The following IMMP2L variants were observed in gnomAD, a reference collection of about 807,000 sequenced individuals.
IMMP2L encodes inner mitochondrial membrane peptidase subunit 2.
Under a neutral mutation model 19.3 loss-of-function variants are expected in IMMP2L, and 18 were observed. The observed-to-expected ratio is 0.93, with a 90% CI of 0.64 to 1.38. The LOEUF is 1.38. IMMP2L is among the 40% of genes most tolerant of loss of function. The probability of loss-of-function intolerance (pLI) is 0.00; values close to 1 mark genes in which losing one functional copy is unlikely to be tolerated. For synonymous variants in IMMP2L, 76 were observed against 73.0 expected (o/e 1.04, Z -0.21); for missense variants, 233 against 218.2 (o/e 1.07, Z -0.43).
At chr7:110,805,220 T>C (rs1275993127) in intron 5 of IMMP2L, among the ~76,000 whole-genome samples, 1 of 152,124 alleles carries the variant, frequency 6.6e-6, no homozygotes, top group African/African-American at 2.4e-5. Flanking sequence ...TAAATTAACA[T>C]TTAATAGAAA....
At chr7:110,989,480 A>G (rs1822220089) in intron 3 of IMMP2L, among the ~76,000 whole-genome samples, 1 of 150,586 alleles carries the variant, frequency 6.6e-6, no homozygotes, top group Non-Finnish European at 1.5e-5. Flanking sequence ...CTAGGAGGTC[A>G]AGGATGTAGT....
intron 5 of IMMP2L, among the ~76,000 whole-genome samples, chr7:110,843,379 T>TG (rs1805303311): frequency 6.6e-6 from 1 of 152,122 alleles, no homozygotes. Context: ...TTGATGGTGA[T>TG]GACAGTATGG....
At chr7:110,959,729 G>C (rs1440379933) in intron 4 of IMMP2L, among the ~76,000 whole-genome samples, 2 of 151,808 alleles carry the variant, frequency 1.3e-5, no homozygotes, top group Admixed American at 6.6e-5. Context: ...TGTACCAAAG[G>C]GGGACAGATA....
chr7:111,365,900 C>T (rs543363489), intron 3 of IMMP2L, among the ~76,000 whole-genome samples: 75 of 152,106 alleles, frequency 4.9e-4, no homozygotes, highest in African/African-American at 1.7e-3. Context: ...GAATTATAAA[C>T]CACCAGTAAA....
intron 4 of IMMP2L, among the ~76,000 whole-genome samples, chr7:110,932,768 A>G (rs959199635): frequency 3.9e-5 from 6 of 152,194 alleles, no homozygotes; most frequent in African/African-American, 1.4e-4. Flanking sequence ...ACACTGTTTT[A>G]ATACTGAGGT....
chr7:110,966,017 A>T (rs1392731018), intron 3 of IMMP2L, among the ~76,000 whole-genome samples: 2 of 152,042 alleles, frequency 1.3e-5, no homozygotes, highest in Non-Finnish European at 2.9e-5. Context: ...GTCTATTTTA[A>T]AAAAGAAAAA....
intron 4 of IMMP2L, among the ~76,000 whole-genome samples, chr7:110,934,205 T>G (rs1445016904): frequency 6.6e-6 from 1 of 152,152 alleles, no homozygotes; most frequent in Admixed American, 6.6e-5. Context: ...TCTGAGAGAC[T>G]GCTTGTTATG....
intron 3 of IMMP2L, among the ~76,000 whole-genome samples, chr7:111,101,324 C>T (rs1304507863): frequency 2.0e-5 from 3 of 151,222 alleles, no homozygotes; most frequent in East Asian, 1.9e-4. Flanking sequence ...TACTGATAAG[C>T]GATAATGTCT....
At position 110,875,968 on chromosome 7, in the gene IMMP2L, A is replaced by C. The variant is rs568958647; in HGVS notation, c.408+10625T>G. Among the ~76,000 whole-genome samples, 3 of 152,256 alleles carry C rather than the reference A, an allele frequency of 2.0e-5. No individual in the cohort carries two copies. In the East Asian group the frequency reaches 5.8e-4, roughly 29 times the overall value. ...ATACTTATTTTAATACAGTAACTTC[A>C]TTTAAAGGGGAGATGAATGTAACTT... On this transcript the variant is annotated intron_variant, in intron 5 of 5. Transcript: ENST00000405709.
intron 4 of IMMP2L, among the ~76,000 whole-genome samples, chr7:110,955,817 T>C (rs1045655092): frequency 6.6e-6 from 1 of 151,784 alleles, no homozygotes; most frequent in Non-Finnish European, 1.5e-5. Flanking sequence ...ACAGAAACCA[T>C]CTCTAATTAT....
intron 3 of IMMP2L, among the ~76,000 whole-genome samples, chr7:111,292,822 G>A (rs1821252430): frequency 6.6e-6 from 1 of 151,964 alleles, no homozygotes; most frequent in African/African-American, 2.4e-5. Context: ...ATATGGCAGA[G>A]TGATACGTGC....
chr7:111,293,407 C>T (rs1821313066), intron 3 of IMMP2L, among the ~76,000 whole-genome samples: 1 of 151,184 alleles, frequency 6.6e-6, no homozygotes, highest in Admixed American at 6.6e-5. Context: ...TAGAACAGGG[C>T]AAAAAATTAA....
chr7:111,467,534 G>A (rs1840793343), intron 3 of IMMP2L, among the ~76,000 whole-genome samples: 1 of 152,114 alleles, frequency 6.6e-6, no homozygotes. Context: ...TGGCTGGTAT[G>A]TATATTGAAA....
chr7:110,992,064 A>G (rs1015946270), intron 3 of IMMP2L, among the ~76,000 whole-genome samples: 2 of 152,112 alleles, frequency 1.3e-5, no homozygotes, highest in Non-Finnish European at 2.9e-5. Context: ...ACCGTATTTC[A>G]TGTTTTTCAT....
chr7:110,987,680 C>A (rs1028001236), intron 3 of IMMP2L, among the ~76,000 whole-genome samples: 6 of 152,264 alleles, frequency 3.9e-5, no homozygotes, highest in South Asian at 4.2e-4. Flanking sequence ...CTCATATGAA[C>A]TGTACACTGC....
In IMMP2L at chr7:111,194,531, C is replaced by G. The variant is rs943039240; in HGVS notation, c.240-230966G>C. Among the ~76,000 whole-genome samples the G allele has an allele frequency of 2.6e-5, 4 of 152,200 alleles. No individual in the cohort carries two copies. In the South Asian group the frequency reaches 8.3e-4, roughly 32 times the overall value. Reference sequence around the variant, plus strand: ...CCTCTCCTTCAATAACTATGAGCTTCAACAGTGTTAAGAACCTCATCTTAT... The same window carrying G: ...CCTCTCCTTCAATAACTATGAGCTTGAACAGTGTTAAGAACCTCATCTTAT... On this transcript the variant is annotated intron_variant, in intron 3 of 5. Coordinates refer to ENST00000405709, the MANE Select transcript of IMMP2L (RefSeq NM_032549.4).
intron 3 of IMMP2L, among the ~76,000 whole-genome samples, chr7:111,317,675 T>C (rs1262017264): frequency 6.6e-6 from 1 of 152,156 alleles, no homozygotes; most frequent in Admixed American, 6.5e-5. Context: ...GAGACCATTA[T>C]AAGGCTGCTA....
At chr7:111,512,220 T>C (rs1845513604) in intron 2 of IMMP2L, among the ~76,000 whole-genome samples, 1 of 152,066 alleles carries the variant, frequency 6.6e-6, no homozygotes, top group Admixed American at 6.6e-5. Flanking sequence ...TGCTAATACA[T>C]AGTACAACAT....
intron 2 of IMMP2L, among the ~76,000 whole-genome samples, chr7:111,498,041 TTTTG>T: frequency 6.6e-6 from 1 of 151,976 alleles, no homozygotes; most frequent in Non-Finnish European, 1.5e-5. Flanking sequence ...AATGAATTGT[TTTTG>T]AAGGGGAAAG....
Sources: gnomAD v4.1 joint callset for allele counts (sites outside exome capture counted in the v4.1 genomes callset) on GRCh38, gnomAD v4.1.1 for gene constraint, MANE v1.5 for transcripts, NCBI Gene and HGNC (gene_info 2026-07-23, HGNC 2026-07-21) for gene names.